The following CAPN7 variants were observed in gnomAD, a reference collection of about 807,000 sequenced individuals.
CAPN7 encodes calpain-7.
In CAPN7, 72 loss-of-function variants were observed where a neutral mutation model predicts 115.2. The observed-to-expected ratio is 0.63, with a 90% confidence interval of 0.52 to 0.76. CAPN7 has a LOEUF of 0.76. Among genes scored for constraint, CAPN7 ranks in the 30% least tolerant of loss-of-function variants. The probability of loss-of-function intolerance (pLI) is 0.00; values close to 1 mark genes in which losing one functional copy is unlikely to be tolerated. For missense variants in CAPN7, 905 were observed against 971.5 expected (o/e 0.93, Z 0.91); for synonymous variants, 344 against 322.3 (o/e 1.07, Z -0.72).
chr3:15,223,100 G>A (rs1342516031), intron 5 of CAPN7, among the ~76,000 whole-genome samples: 1 of 152,128 alleles, frequency 6.6e-6, no homozygotes, highest in Non-Finnish European at 1.5e-5. Context: ...AACGTGAAGA[G>A]CATGTATTTC....
intron 8 of CAPN7, 78 bp from the exon 9 acceptor site, chr3:15,230,364 C>G: frequency 1.1e-6 from 1 of 915,006 alleles, no homozygotes; most frequent in Non-Finnish European, 1.8e-6. Context: ...GTAGTATATA[C>G]CTGAATGAAA....
In CAPN7 at chr3:15,232,556, G is replaced by A. The variant is rs1206135663; in HGVS notation, c.1070G>A (p.Gly357Glu). The A allele has an allele frequency of 6.2e-7, 1 of 1,611,774 alleles. No homozygotes were observed. Among genetic ancestry groups the A allele is most frequent in the East Asian group, 2.2e-5 (1 of 44,672 alleles). ...IDDQLPVDHK[G>E]ELLCSYSNNK... ...GACCAGTTACCTGTTGATCACAAGG[G>A]AGAATTGCTCTGTTCTTATTCCAAC... The change falls in exon 10 of 21, where the codon GGA becomes GAA. Residue 357 changes from glycine (G) to glutamate (E), a missense_variant. By Grantham distance (98) the Gly-to-Glu change is moderately conservative. This residue lies in a region of CAPN7 where 620 missense variants were observed against 703.4 expected (regional missense o/e 0.88). Transcript: ENST00000253693.
At position 15,233,684 on chromosome 3, in the gene CAPN7, G is replaced by A. The variant is rs570381755; in HGVS notation, c.1180-183G>A. Among the ~76,000 whole-genome samples, 18 of 152,278 alleles carry A rather than the reference G, an allele frequency of 1.2e-4. No individual in the cohort carries two copies. The South Asian group carries it at 3.7e-3, about 32-fold the overall frequency. On this transcript the variant is annotated intron_variant, in intron 10 of 20. Coordinates refer to ENST00000253693, the MANE Select transcript of CAPN7 (RefSeq NM_014296.3). ...CAACAAAGATTGTAGGGAAAAATATGCATGTTCAAATTCAGTTAGGAATTT... is the reference window on the plus strand; with the variant it reads ...CAACAAAGATTGTAGGGAAAAATATACATGTTCAAATTCAGTTAGGAATTT...
At chr3:15,218,321 A>G (rs1321326983) in intron 3 of CAPN7, 152 bp from the exon 4 acceptor site, 3 of 618,528 alleles carry the variant, frequency 4.9e-6, no homozygotes, top group Non-Finnish European at 8.5e-6. Flanking sequence ...ATTTTAAATG[A>G]TACCTTTAAG....
intron 6 of CAPN7, among the ~76,000 whole-genome samples, chr3:15,225,537 A>G (rs79916660): frequency 0.014 from 2,128 of 152,354 alleles, 17 homozygotes; most frequent in Admixed American, 0.023. Flanking sequence ...ATGTAATAAC[A>G]TGGGAAAATG....
intron 19 of CAPN7, 84 bp downstream of exon 19, chr3:15,247,541 A>G: frequency 3.7e-6 from 4 of 1,088,494 alleles, no homozygotes; most frequent in Non-Finnish European, 5.2e-6. Context: ...AAACAGACCT[A>G]AGCATATATG....
chr3:15,236,430 TAATG>T (rs1366422847), intron 12 of CAPN7, among the ~76,000 whole-genome samples: 1 of 152,248 alleles, frequency 6.6e-6, no homozygotes, highest in African/African-American at 2.4e-5. Context: ...TACTATTTCT[TAATG>T]AAGGACCCTT....
chr3:15,248,231 C>A (rs1339840990), intron 19 of CAPN7, among the ~76,000 whole-genome samples: 1 of 151,886 alleles, frequency 6.6e-6, no homozygotes, highest in Non-Finnish European at 1.5e-5. Flanking sequence ...ATAAAGGGGG[C>A]AATCCAGATG....
At position 15,229,561 on chromosome 3, in the gene CAPN7, C is replaced by CTTTTTTTTTTT. The variant is rs566957976; in HGVS notation, c.938+520_938+530dup. On this transcript the variant is annotated intron_variant, in intron 8 of 20. Coordinates refer to ENST00000253693, the MANE Select transcript of CAPN7 (RefSeq NM_014296.3). ...CATCAAAATTGGTTTTACTTTTTTT[C>CTTTTTTTTTTT]TTTTTTTTTTTTTTTTTTTTTTTTT... 7.4e-4 allele frequency among the ~76,000 whole-genome samples: 65 copies of CTTTTTTTTTTT among 87,878 alleles called. 6 individuals carry two copies. The highest frequency in any genetic ancestry group is 2.3e-3 in the East Asian group (5 of 2,134). 57.7% of individuals were successfully genotyped at this position (87,878 alleles called of 152,430 possible).
intron 9 of CAPN7, 134 bp downstream of exon 9, chr3:15,230,669 T>A (rs1694631745): frequency 1.8e-6 from 1 of 552,622 alleles, no homozygotes; most frequent in Non-Finnish European, 3.3e-6. Context: ...TATATATTAC[T>A]ACCAGTAGCA....
intron 4 of CAPN7, among the ~76,000 whole-genome samples, chr3:15,218,892 T>C (rs1359273888): frequency 6.6e-6 from 1 of 152,218 alleles, no homozygotes; most frequent in African/African-American, 2.4e-5. Flanking sequence ...ATGAACTTGC[T>C]TTCAGCCATG....
intron 1 of CAPN7, chr3:15,210,797 G>A (rs1575152951): frequency 1.6e-6 from 2 of 1,289,160 alleles, no homozygotes; most frequent in Non-Finnish European, 2.0e-6. Flanking sequence ...TCTTAATTTT[G>A]TTAGGTTCAG....
chr3:15,228,890 G>A, intron 7 of CAPN7, 84 bp from the exon 8 acceptor site: 1 of 957,494 alleles, frequency 1.0e-6, no homozygotes, highest in South Asian at 1.5e-5. Context: ...ATAAAAAGTA[G>A]GTACTTGGGG....
At chr3:15,214,633 G>C (rs894347590) in intron 2 of CAPN7, among the ~76,000 whole-genome samples, 1 of 152,130 alleles carries the variant, frequency 6.6e-6, no homozygotes, top group African/African-American at 2.4e-5. Context: ...CAGGAAGATT[G>C]CTTGAGCCCA....
intron 2 of CAPN7, among the ~76,000 whole-genome samples, chr3:15,215,029 C>T (rs1232052267): frequency 6.6e-6 from 1 of 152,230 alleles, no homozygotes; most frequent in Non-Finnish European, 1.5e-5. Flanking sequence ...GGCTGAGAAA[C>T]ACTGGGCTAG....
intron 6 of CAPN7, among the ~76,000 whole-genome samples, chr3:15,224,891 G>A (rs1694223831): frequency 2.6e-5 from 4 of 152,084 alleles, no homozygotes; most frequent in African/African-American, 7.2e-5. Flanking sequence ...TTTCACTCAG[G>A]TAGCTGTGTG....
In CAPN7 at chr3:15,206,393, C is replaced by A. The variant is rs2044621831; in HGVS notation, c.-103C>A. ...CCAAAGTAAACTTTGCCGCTCCTTC[C>A]GCGGCGCTCCCGAGTCCTCGCCGCC... is the stretch of plus-strand genomic sequence containing the variant. On this transcript the variant is annotated 5_prime_UTR_variant, in exon 1 of 21. Transcript: ENST00000253693. The A allele has an allele frequency of 5.0e-6, 4 of 806,848 alleles. No individual in the cohort carries two copies. The highest frequency in any genetic ancestry group is 3.5e-4 in the Middle Eastern group (1 of 2,820). 50.0% of individuals were successfully genotyped at this position (806,848 alleles called of 1,614,324 possible).
At chr3:15,229,957 A>T (rs1053479883) in intron 8 of CAPN7, among the ~76,000 whole-genome samples, 1 of 152,116 alleles carries the variant, frequency 6.6e-6, no homozygotes, top group Non-Finnish European at 1.5e-5. Context: ...CGCAGTCCTT[A>T]GTTTCAACTA....
At chr3:15,227,587 T>C (rs1163065172) in intron 6 of CAPN7, among the ~76,000 whole-genome samples, 1 of 152,140 alleles carries the variant, frequency 6.6e-6, no homozygotes, top group Non-Finnish European at 1.5e-5. Context: ...TTTAAAAAAT[T>C]ATATTCTTAA....
Sources: allele counts gnomAD v4.1 joint callset (sites outside exome capture counted in the v4.1 genomes callset), GRCh38; gene constraint gnomAD v4.1.1; regional missense constraint gnomAD v4.1.1; transcripts MANE v1.5; gene names NCBI Gene and HGNC (gene_info 2026-07-23, HGNC 2026-07-21).